Variants in LURAP1 observed in about 807,000 individuals in gnomAD.
LURAP1 encodes the protein NF-kappa-B activator C1orf190.
LURAP1 carries 14 observed loss-of-function variants against 19.0 expected under a neutral mutation model. That is an observed-to-expected ratio of 0.74 (90% CI 0.49 to 1.15). The LOEUF (loss-of-function observed/expected upper bound fraction) is 1.15, where lower values mean the gene tolerates loss of function less well. Ranked by LOEUF, LURAP1 falls within the 50% of genes most tolerant of loss-of-function variation. LURAP1 has a pLI of 0.00. For synonymous variants in LURAP1, 129 were observed against 131.8 expected (o/e 0.98, Z 0.14); for missense variants, 273 against 309.1 (o/e 0.88, Z 0.87).
intron 1 of LURAP1, among the ~76,000 whole-genome samples, chr1:46,212,281 ATT>A (rs753914761): frequency 1.4e-4 from 20 of 143,478 alleles, no homozygotes; most frequent in East Asian, 4.1e-4. Flanking sequence ...AACCATGTAA[ATT>A]TTTTTTTTTT....
rs146981158 is a variant in LURAP1, at chr1:46,212,482, C to T, written c.199-7217C>T. Among the ~76,000 whole-genome samples the T allele has an allele frequency of 5.2e-3, 792 of 152,018 alleles. 6 individuals are homozygous for T. Among genetic ancestry groups the T allele is most frequent in the African/African-American group, 0.016 (644 of 41,462 alleles). The stretch of plus-strand genomic sequence containing the variant: ...ATTTTTAACAGAGACGGGGTTTCAC[C>T]GTGTTAGCCAGGATGGTCTTGATCT... On this transcript the variant is annotated intron_variant, in intron 1 of 1. Coordinates refer to ENST00000371980, the MANE Select transcript of LURAP1 (RefSeq NM_001013615.3).
intron 1 of LURAP1, among the ~76,000 whole-genome samples, chr1:46,215,119 G>T (rs1032932863): frequency 1.3e-5 from 2 of 151,598 alleles, no homozygotes; most frequent in African/African-American, 4.8e-5. Flanking sequence ...CCAGCTGCTT[G>T]GGAGGCTGAG....
At chr1:46,209,635 C>T (rs1213891571) in intron 1 of LURAP1, among the ~76,000 whole-genome samples, 1 of 150,678 alleles carries the variant, frequency 6.6e-6, no homozygotes, top group Non-Finnish European at 1.5e-5. Flanking sequence ...GCCTCAGCCT[C>T]CCGAGTAGCT....
intron 1 of LURAP1, among the ~76,000 whole-genome samples, chr1:46,213,059 C>G (rs1658952623): frequency 6.6e-6 from 1 of 152,032 alleles, no homozygotes; most frequent in African/African-American, 2.4e-5. Context: ...ACATTTTGAT[C>G]AATGATAGAC....
intron 1 of LURAP1, among the ~76,000 whole-genome samples, chr1:46,205,541 A>T (rs1385716720): frequency 6.6e-6 from 1 of 152,232 alleles, no homozygotes; most frequent in East Asian, 1.9e-4. Flanking sequence ...CTGAACTCAC[A>T]TAGGGAGTCA....
At chr1:46,218,818 C>T (rs1012110651) in intron 1 of LURAP1, among the ~76,000 whole-genome samples, 2 of 151,958 alleles carry the variant, frequency 1.3e-5, no homozygotes, top group African/African-American at 4.8e-5. Flanking sequence ...TCCTTCTAAG[C>T]TCTGGCCAAC....
intron 1 of LURAP1, among the ~76,000 whole-genome samples, chr1:46,204,717 C>T (rs1021936330): frequency 3.3e-5 from 5 of 152,138 alleles, no homozygotes; most frequent in African/African-American, 9.7e-5. Flanking sequence ...TGCACTTGGC[C>T]TTGAAGGTTG....
intron 1 of LURAP1, among the ~76,000 whole-genome samples, chr1:46,206,321 C>A (rs531240301): frequency 6.6e-6 from 1 of 152,270 alleles, no homozygotes; most frequent in East Asian, 1.9e-4. Context: ...TGTTAAGAAC[C>A]TTTATAGTAA....
rs778528615 is a variant in LURAP1 at position 46,219,950 on chromosome 1, A to G, written c.450A>G (p.Thr150=). 4.3e-5 allele frequency: 70 copies of G among 1,614,128 alleles called. No individual in the cohort carries two copies. The highest frequency in any genetic ancestry group is 5.6e-5 in the Non-Finnish European group (66 of 1,180,044). The change falls in exon 2 of 2, where the codon ACA becomes ACG. Residue 150 remains threonine (T), a synonymous_variant. Transcript: ENST00000371980. ...DSVSIGSFLD[T]VAPSELDEQG... ...TCTCTATTGGCAGCTTCCTGGACAC[A>G]GTGGCCCCCAGCGAGCTGGATGAAC...
At chr1:46,212,528 G>A (rs1242093765) in intron 1 of LURAP1, among the ~76,000 whole-genome samples, 3 of 151,222 alleles carry the variant, frequency 2.0e-5, no homozygotes, top group African/African-American at 7.3e-5. Flanking sequence ...TGATCCGCCC[G>A]CCTTGGCCTC....
intron 1 of LURAP1, among the ~76,000 whole-genome samples, chr1:46,213,576 C>T (rs534067404): frequency 3.9e-5 from 6 of 151,906 alleles, no homozygotes; most frequent in East Asian, 1.9e-4. Context: ...ACACTAAATA[C>T]GGCCAGGCAC....
intron 1 of LURAP1, among the ~76,000 whole-genome samples, chr1:46,213,360 A>T (rs1658962790): frequency 1.3e-5 from 2 of 150,990 alleles, no homozygotes; most frequent in African/African-American, 4.8e-5. Flanking sequence ...TATTTTAAAA[A>T]GTATATAAAT....
intron 1 of LURAP1, among the ~76,000 whole-genome samples, chr1:46,210,611 G>C (rs1658862779): frequency 6.6e-6 from 1 of 152,072 alleles, no homozygotes; most frequent in African/African-American, 2.4e-5. Context: ...AGAACTCAGG[G>C]AAACACATTT....
Position 46,203,363 on chromosome 1 carries a change from G to T in LURAP1, c.-64G>T. The T allele has an allele frequency of 7.1e-7, 1 of 1,404,126 alleles. No individual in the cohort carries two copies. The highest frequency in any genetic ancestry group is 9.4e-7 in the Non-Finnish European group (1 of 1,064,106). 87.0% of individuals were successfully genotyped at this position (1,404,126 alleles called of 1,614,324 possible). On this transcript the variant is annotated 5_prime_UTR_variant, in exon 1 of 2. Coordinates refer to ENST00000371980, the MANE Select transcript of LURAP1 (RefSeq NM_001013615.3). ...TTGCTCCGCTTTAGCAGCGGCGAAG[G>T]GAGGACCCCCGGGAGCCGGTCCCCG...
chr1:46,213,418 C>T lies in LURAP1; in HGVS notation c.199-6281C>T, dbSNP rs531225749. ...GTGCATTTACCCTGTCATATTTGCACGGCAGTAAAACCTCCTGCTGGTGTA... is the reference window on the plus strand; with the variant it reads ...GTGCATTTACCCTGTCATATTTGCATGGCAGTAAAACCTCCTGCTGGTGTA... On this transcript the variant is annotated intron_variant, in intron 1 of 1. Coordinates refer to ENST00000371980, the MANE Select transcript of LURAP1 (RefSeq NM_001013615.3). Among the ~76,000 whole-genome samples, 6 of 148,118 alleles carry T rather than the reference C, an allele frequency of 4.1e-5. No homozygotes were observed. The East Asian group carries it at 1.0e-3, about 25-fold the overall frequency.
At chr1:46,213,040 A>G (rs1658952494) in intron 1 of LURAP1, among the ~76,000 whole-genome samples, 1 of 152,144 alleles carries the variant, frequency 6.6e-6, no homozygotes, top group South Asian at 2.1e-4. Flanking sequence ...TGCTGGGATT[A>G]CCATATAAAC....
intron 1 of LURAP1, among the ~76,000 whole-genome samples, chr1:46,217,084 A>C (rs989968771): frequency 3.9e-5 from 6 of 152,160 alleles, no homozygotes; most frequent in African/African-American, 1.4e-4. Context: ...CATTCACCCA[A>C]ATGAAGGAGT....
intron 1 of LURAP1, among the ~76,000 whole-genome samples, chr1:46,212,103 C>A (rs973841539): frequency 6.6e-6 from 1 of 152,054 alleles, no homozygotes; most frequent in African/African-American, 2.4e-5. Flanking sequence ...TCTGGTTTAT[C>A]ATAGATGTGA....
At chr1:46,209,537 C>CTT (rs55948355) in intron 1 of LURAP1, among the ~76,000 whole-genome samples, 1,619 of 139,820 alleles carry the variant, frequency 0.012, 28 homozygotes, top group African/African-American at 0.037. Context: ...TTGTTGTTTT[C>CTT]TTTTTTTTTT....
Sources: gnomAD v4.1 joint callset for allele counts (sites outside exome capture counted in the v4.1 genomes callset) on GRCh38, gnomAD v4.1.1 for gene constraint, MANE v1.5 for transcripts, NCBI Gene and HGNC (gene_info 2026-07-23, HGNC 2026-07-21) for gene names.